OSBPL6: variants seen among roughly 807,000 people sequenced by gnomAD.
The protein encoded by OSBPL6 is oxysterol-binding protein-related protein 6.
A neutral mutation model predicts 125.8 loss-of-function variants in OSBPL6; 49 were observed. The ratio of observed to expected loss-of-function variants is 0.39; its 90% CI spans 0.31 to 0.49. OSBPL6 has a LOEUF of 0.49. Ranked by LOEUF, OSBPL6 falls within the 20% of genes least tolerant of loss-of-function variation. The probability of loss-of-function intolerance (pLI) is 0.88; values close to 1 mark genes in which losing one functional copy is unlikely to be tolerated. For synonymous variants in OSBPL6, 394 were observed against 391.8 expected, an observed-to-expected ratio of 1.01 and a Z score of -0.07; for missense variants, 986 against 1,135.4, an observed-to-expected ratio of 0.87 and a Z score of 1.89.
At chr2:178,292,611 T>C (rs1016395679) in intron 2 of OSBPL6, among the ~76,000 whole-genome samples, 1 of 152,112 alleles carries the variant, frequency 6.6e-6, no homozygotes, top group Admixed American at 6.6e-5. Context: ...AAGTGTTTGG[T>C]CATTCAGACA....
At chr2:178,292,191 A>G (rs1239139752) in intron 2 of OSBPL6, among the ~76,000 whole-genome samples, 1 of 152,068 alleles carries the variant, frequency 6.6e-6, no homozygotes, top group Non-Finnish European at 1.5e-5. Flanking sequence ...TCTTCTCAAA[A>G]TATCTTGTTC....
intron 1 of OSBPL6, among the ~76,000 whole-genome samples, chr2:178,198,069 A>G (rs549378137): frequency 6.6e-6 from 1 of 152,284 alleles, no homozygotes; most frequent in African/African-American, 2.4e-5. Flanking sequence ...CCAACAGTGA[A>G]CCACTCAAAG....
At chr2:178,338,788 T>C (rs1301922259) in intron 9 of OSBPL6, among the ~76,000 whole-genome samples, 1 of 152,188 alleles carries the variant, frequency 6.6e-6, no homozygotes, top group Non-Finnish European at 1.5e-5. Flanking sequence ...TATTAACTTT[T>C]AAGAGTGAGC....
intron 3 of OSBPL6, among the ~76,000 whole-genome samples, chr2:178,310,918 CA>C (rs1343128950): frequency 6.6e-6 from 1 of 152,204 alleles, no homozygotes; most frequent in Non-Finnish European, 1.5e-5. Flanking sequence ...GAGCCACCGT[CA>C]TTTCTCACCT....
intron 8 of OSBPL6, among the ~76,000 whole-genome samples, chr2:178,335,583 G>A (rs901527029): frequency 6.6e-6 from 1 of 152,166 alleles, no homozygotes; most frequent in African/African-American, 2.4e-5. Context: ...TAATGATTTA[G>A]AAGAGACACA....
chr2:178,344,202 G>T, intron 11 of OSBPL6: 1 of 1,236,766 alleles, frequency 8.1e-7, no homozygotes, highest in South Asian at 1.2e-5. Flanking sequence ...CCCTCTCCTT[G>T]TCTGATTATC....
At chr2:178,323,191 C>A (rs1688395185) in intron 3 of OSBPL6, among the ~76,000 whole-genome samples, 1 of 152,076 alleles carries the variant, frequency 6.6e-6, no homozygotes, top group Admixed American at 6.6e-5. Context: ...TCTTCCAACC[C>A]CACTTCATTC....
In OSBPL6 at chr2:178,328,274, A is replaced by G; in HGVS notation, c.214A>G (p.Ile72Val). The G allele has an allele frequency of 6.2e-7, 1 of 1,613,802 alleles. No individual in the cohort carries two copies. The highest frequency in any genetic ancestry group is 8.5e-7 in the Non-Finnish European group (1 of 1,179,780). The change falls in exon 5 of 25, where the codon ATT becomes GTT. Residue 72 changes from isoleucine to valine, a missense_variant. Ile to Val is a conservative substitution (Grantham distance 29). Coordinates refer to ENST00000190611, the MANE Select transcript of OSBPL6 (RefSeq NM_032523.4). ...PLSKEADSWE[I>V]IEGLKIGQTN... is the part of the protein sequence containing the mutation. ...CTCTCAGGAAGCTGACAGCTGGGAA[A>G]TTATAGAAGGGCTGAAAATAGGCCA...
intron 23 of OSBPL6, 114 bp from the exon 24 acceptor site, chr2:178,394,199 T>TAA: frequency 1.5e-6 from 2 of 1,351,534 alleles, no homozygotes; most frequent in East Asian, 2.3e-5. Flanking sequence ...CTCCGTCCGT[T>TAA]ACTGTGCGGT....
chr2:178,331,488 C>T (rs893541738), intron 5 of OSBPL6, 64 bp from the exon 6 acceptor site: 13 of 1,527,702 alleles, frequency 8.5e-6, no homozygotes, highest in Admixed American at 1.7e-5. Context: ...ATTAGACCCA[C>T]ATTTGTGAAT....
chr2:178,322,979 G>A lies in OSBPL6; in HGVS notation c.103-1198G>A, dbSNP rs543539165. ...GTAGTCTTTACAGTAGGGAAGTTTCGCTCTCATGTATTTGAAGAGTGCATG... is the reference window on the plus strand; with the variant it reads ...GTAGTCTTTACAGTAGGGAAGTTTCACTCTCATGTATTTGAAGAGTGCATG... On this transcript the variant is annotated intron_variant, in intron 3 of 24. Coordinates refer to ENST00000190611, the MANE Select transcript of OSBPL6 (RefSeq NM_032523.4). Among the ~76,000 whole-genome samples, 9 of 149,882 alleles carry A rather than the reference G, an allele frequency of 6.0e-5. No homozygotes were observed. In the East Asian group the frequency reaches 1.2e-3, roughly 19 times the overall value.
chr2:178,332,566 G>T, intron 6 of OSBPL6, 75 bp from the exon 7 acceptor site: 1 of 1,048,942 alleles, frequency 9.5e-7, no homozygotes. Flanking sequence ...AGATTACTTT[G>T]AGTTCACTTA....
At chr2:178,364,816 T>C (rs1313311706) in intron 13 of OSBPL6, among the ~76,000 whole-genome samples, 2 of 152,176 alleles carry the variant, frequency 1.3e-5, no homozygotes, top group Non-Finnish European at 2.9e-5. Context: ...GTTATAGATG[T>C]TGACGAGTTG....
intron 1 of OSBPL6, among the ~76,000 whole-genome samples, chr2:178,262,758 T>G (rs2092103326): frequency 2.0e-5 from 3 of 152,122 alleles, no homozygotes; most frequent in African/African-American, 7.2e-5. Context: ...AAAGGTACAG[T>G]GTTAGGGCAT....
At chr2:178,194,838 G>T (rs1312416859) in intron 1 of OSBPL6, among the ~76,000 whole-genome samples, 164 bp downstream of exon 1, 2 of 152,160 alleles carry the variant, frequency 1.3e-5, no homozygotes, top group Non-Finnish European at 2.9e-5. Context: ...CCCTGGAGGC[G>T]CCCCCGGCCG....
At chr2:178,250,133 C>T (rs1298318211) in intron 1 of OSBPL6, among the ~76,000 whole-genome samples, 2 of 152,154 alleles carry the variant, frequency 1.3e-5, no homozygotes, top group African/African-American at 4.8e-5. Context: ...TCTGACTGTC[C>T]TTCTAACAGC....
chr2:178,197,276 G>A (rs1258209410), intron 1 of OSBPL6, among the ~76,000 whole-genome samples: 1 of 152,166 alleles, frequency 6.6e-6, no homozygotes, highest in African/African-American at 2.4e-5. Context: ...TTGCATATAT[G>A]TCTGTTGAAA....
At position 178,397,275 on chromosome 2, in the gene OSBPL6, A is replaced by G. The variant is rs935394352; in HGVS notation, c.*1716A>G. On this transcript the variant is annotated 3_prime_UTR_variant, in exon 25 of 25. Transcript: ENST00000190611. ...TTTTTATGTTATGTGTACAGTCTGC[A>G]TTAGCTTAGAATGGAATTTCATTCT... 1 of 152,244 alleles carries G rather than the reference A, an allele frequency of 6.6e-6. No homozygotes were observed. Among genetic ancestry groups the G allele is most frequent in the Non-Finnish European group, 1.5e-5 (1 of 68,040 alleles). The allele number at this position is 152,244 out of a possible 1,614,324, so 9.4% of individuals were successfully genotyped here.
chr2:178,270,233 T>G (rs333985), intron 1 of OSBPL6, among the ~76,000 whole-genome samples: 130,362 of 152,150 alleles, frequency 0.86, 56,779 homozygotes, highest in Non-Finnish European at 0.93. Flanking sequence ...AAAGATGACC[T>G]CTTATTTTCT....
Sources: gnomAD v4.1 joint callset for allele counts (sites outside exome capture counted in the v4.1 genomes callset) on GRCh38, gnomAD v4.1.1 for gene constraint, MANE v1.5 for transcripts, NCBI Gene and HGNC (gene_info 2026-07-23, HGNC 2026-07-21) for gene names.